The following EIF3A variants were observed in gnomAD, a reference collection of about 807,000 sequenced individuals.
EIF3A encodes the protein EIF3, p180 subunit.
A neutral mutation model predicts 186.6 loss-of-function variants in EIF3A; 21 were observed. The observed-to-expected ratio is 0.11, with a 90% CI of 0.08 to 0.16. The LOEUF (loss-of-function observed/expected upper bound fraction) is 0.16, where lower values mean the gene tolerates loss of function less well. Ranked by LOEUF, EIF3A falls within the 10% of genes least tolerant of loss-of-function variation. The pLI is 1.00. For missense variants in EIF3A, 1,306 were observed against 1,796.3 expected (o/e 0.73, Z 4.93); for synonymous variants, 563 against 584.3 (o/e 0.96, Z 0.52).
intron 1 of EIF3A, among the ~76,000 whole-genome samples, chr10:119,079,662 G>A (rs1410086256): frequency 6.6e-6 from 1 of 152,078 alleles, no homozygotes. Flanking sequence ...GAACGCCAAT[G>A]TAATAAATGC....
At position 119,037,068 on chromosome 10, in the gene EIF3A, C is replaced by A. The variant is rs60040030; in HGVS notation, c.3919+51G>T. 3.8e-3 allele frequency: 3,275 copies of A among 867,700 alleles called. 137 individuals carry two copies. The African/African-American group carries it at 0.048, about 13-fold the overall frequency. 53.8% of individuals were successfully genotyped at this position (867,700 alleles called of 1,614,324 possible). On this transcript the variant is annotated intron_variant, in intron 21 of 21. Coordinates refer to ENST00000369144, the MANE Select transcript of EIF3A (RefSeq NM_003750.4). ...TAATTAAATAACCCAAATCCCCCCC[C>A]CCCCAGAAACGACAGTTCTCCAATA...
intron 1 of EIF3A, among the ~76,000 whole-genome samples, chr10:119,079,586 G>GA (rs746382008): frequency 0.012 from 1,794 of 149,176 alleles, 43 homozygotes; most frequent in East Asian, 0.085. Context: ...CGGTTAGAGG[G>GA]GAAAAAAAAA....
At chr10:119,076,588 A>G (rs1442706840) in intron 1 of EIF3A, among the ~76,000 whole-genome samples, 1 of 152,072 alleles carries the variant, frequency 6.6e-6, no homozygotes, top group Non-Finnish European at 1.5e-5. Flanking sequence ...TGGGAGGGAA[A>G]AAACTTGCAG....
intron 14 of EIF3A, among the ~76,000 whole-genome samples, chr10:119,055,936 A>G (rs1217465784): frequency 6.6e-6 from 1 of 152,132 alleles, no homozygotes; most frequent in East Asian, 1.9e-4. Context: ...GTTTTTAATT[A>G]TTTACATGTT....
At chr10:119,062,634 T>C (rs1335288231) in intron 7 of EIF3A, among the ~76,000 whole-genome samples, 2 of 152,210 alleles carry the variant, frequency 1.3e-5, no homozygotes, top group African/African-American at 2.4e-5. Flanking sequence ...ACCGAATGAC[T>C]TGCTCACAGA....
At position 119,065,843 on chromosome 10, in the gene EIF3A, G is replaced by A. The variant is rs111792346; in HGVS notation, c.951-273C>T. ...AGAAAAAGATTGTGATTGACCAGGC[G>A]CGGTGGCTCACGCCTGTAATCCCAG... is the stretch of plus-strand genomic sequence containing the variant. On this transcript the variant is annotated intron_variant, in intron 6 of 21. Transcript: ENST00000369144. 2.4e-3 allele frequency among the ~76,000 whole-genome samples: 371 copies of A among 152,326 alleles called. 4 individuals are homozygous for A. Among genetic ancestry groups the A allele is most frequent in the African/African-American group, 8.4e-3 (351 of 41,580 alleles).
chr10:119,073,380 C>T, intron 3 of EIF3A, 61 bp downstream of exon 3: 3 of 1,236,652 alleles, frequency 2.4e-6, no homozygotes, highest in Non-Finnish European at 2.3e-6. Context: ...AATGAAGACC[C>T]ATGTAAAAGA....
chr10:119,051,171 A>G, intron 15 of EIF3A, 28 bp downstream of exon 15: 1 of 1,586,414 alleles, frequency 6.3e-7, no homozygotes, highest in Non-Finnish European at 8.5e-7. Context: ...CTCATGAATA[A>G]ACATTTCCCA....
intron 6 of EIF3A, among the ~76,000 whole-genome samples, chr10:119,066,611 AGGGAGAGG>A (rs1300958629): frequency 1.3e-5 from 2 of 149,230 alleles, no homozygotes; most frequent in Non-Finnish European, 3.0e-5. Context: ...TATGGTAGTG[AGGGAGAGG>A]GGGAGACAAG....
intron 2 of EIF3A, 81 bp from the exon 3 acceptor site, chr10:119,073,658 A>C: frequency 6.4e-7 from 1 of 1,570,626 alleles, no homozygotes; most frequent in South Asian, 1.2e-5. Context: ...TTTTTAAGAG[A>C]AATACAATAT....
chr10:119,053,701 T>C lies in EIF3A; in HGVS notation c.2197-2380A>G, dbSNP rs932339189. On this transcript the variant is annotated intron_variant, in intron 14 of 21. Coordinates refer to ENST00000369144, the MANE Select transcript of EIF3A (RefSeq NM_003750.4). Reference sequence around the variant, plus strand: ...CGCCACTGCACTCCAGCCTGGGTGATAGAGTGAGACCCTGTCTCTCAAAAA... The same window carrying C: ...CGCCACTGCACTCCAGCCTGGGTGACAGAGTGAGACCCTGTCTCTCAAAAA... Among the ~76,000 whole-genome samples, 10 of 151,912 alleles carry C rather than the reference T, an allele frequency of 6.6e-5. No homozygotes were observed. In the East Asian group the frequency reaches 1.5e-3, roughly 23 times the overall value.
intron 6 of EIF3A, among the ~76,000 whole-genome samples, chr10:119,067,055 AT>A (rs1843992570): frequency 6.6e-6 from 1 of 152,056 alleles, no homozygotes; most frequent in South Asian, 2.1e-4. Flanking sequence ...TCTACTAAAA[AT>A]ACAAAAAAAA....
rs79106337 is a variant in EIF3A, at chr10:119,079,757, G to C, written c.49+871C>G. 9.1e-3 allele frequency among the ~76,000 whole-genome samples: 1,386 copies of C among 152,246 alleles called. 15 individuals are homozygous for C. Among genetic ancestry groups the C allele is most frequent in the African/African-American group, 0.031 (1,306 of 41,530 alleles). On this transcript the variant is annotated intron_variant, in intron 1 of 21. Coordinates refer to ENST00000369144, the MANE Select transcript of EIF3A (RefSeq NM_003750.4). ...ATAGAAATAGAAATCGCAGACAGCA[G>C]CACTGTGGCAGAAAAAAAGAGAAAA...
chr10:119,073,601 T>C (rs749136850), intron 2 of EIF3A, 24 bp from the exon 3 acceptor site: 5 of 1,604,516 alleles, frequency 3.1e-6, no homozygotes, highest in Non-Finnish European at 4.2e-6. Context: ...ACAAAAACTC[T>C]TCAGAACTTA....
rs759727129 is a variant in EIF3A, at chr10:119,034,351, C to T, written c.*1688G>A. 6.1e-6 allele frequency: 1 copy of T among 163,784 alleles called. No individual in the cohort carries two copies. Among genetic ancestry groups the T allele is most frequent in the African/African-American group, 2.4e-5 (1 of 41,438 alleles). The allele number at this position is 163,784 out of a possible 1,614,324, so 10.1% of individuals were successfully genotyped here. ...AACTCTAACGTAGGCAGCAGTAACT[C>T]GTCTGAACAAATCTGATTAAATAAA... On this transcript the variant is annotated 3_prime_UTR_variant, in exon 22 of 22. Transcript: ENST00000369144.
chr10:119,058,946 G>A (rs1394040222), intron 11 of EIF3A, among the ~76,000 whole-genome samples: 1 of 152,142 alleles, frequency 6.6e-6, no homozygotes, highest in Non-Finnish European at 1.5e-5. Flanking sequence ...TTCACTATTT[G>A]AGGAATCCTA....
In EIF3A at chr10:119,059,654, G is replaced by C. The variant is rs1354629287; in HGVS notation, c.1391C>G (p.Ala464Gly). 1 of 1,614,036 alleles carries C rather than the reference G, an allele frequency of 6.2e-7. No individual in the cohort carries two copies. Among genetic ancestry groups the C allele is most frequent in the Non-Finnish European group, 8.5e-7 (1 of 1,180,010 alleles). The change falls in exon 10 of 22, where the codon GCT becomes GGT. Residue 464 changes from alanine (A) to glycine (G), a missense_variant. Ala to Gly is a moderately conservative substitution (Grantham distance 60). This residue lies in a region of EIF3A where 267 missense variants were observed against 367.8 expected (regional missense o/e 0.73). Transcript: ENST00000369144. ...TACTATGGCCCGTTCCAGTTGGAAA[G>C]CATCAACAAAAGGAACCAAAGAAGT... is the stretch of plus-strand genomic sequence containing the variant. Reference protein sequence around the residue: ...RLTSLVPFVDAFQLERAIVDA... With the variant: ...RLTSLVPFVDGFQLERAIVDA...
chr10:119,037,353 CAA>C, intron 20 of EIF3A, 44 bp from the exon 21 acceptor site: 1 of 1,540,124 alleles, frequency 6.5e-7, no homozygotes, highest in Non-Finnish European at 9.0e-7. Flanking sequence ...ACTGTTAGAC[CAA>C]ATGGATAATT....
intron 14 of EIF3A, among the ~76,000 whole-genome samples, chr10:119,052,101 T>G (rs760046592): frequency 1.3e-5 from 2 of 152,194 alleles, no homozygotes; most frequent in Non-Finnish European, 2.9e-5. Context: ...ATCTAGCATG[T>G]GGCACTGGTT....
Sources: allele counts gnomAD v4.1 joint callset (sites outside exome capture counted in the v4.1 genomes callset), GRCh38; gene constraint gnomAD v4.1.1; regional missense constraint gnomAD v4.1.1; transcripts MANE v1.5; gene names NCBI Gene and HGNC (gene_info 2026-07-23, HGNC 2026-07-21).